The following RHEB variants were observed in gnomAD, a reference collection of about 807,000 sequenced individuals.
RHEB encodes Ras homolog, mTORC1 binding.
A neutral mutation model predicts 28.8 loss-of-function variants in RHEB; 2 were observed. The observed-to-expected ratio is 0.07, with a 90% CI of 0.03 to 0.22. RHEB has a LOEUF of 0.22. Ranked by LOEUF, RHEB falls within the 10% of genes least tolerant of loss-of-function variation. The pLI, the probability that RHEB is intolerant of heterozygous loss-of-function variation, is 1.00. For missense variants in RHEB, 76 were observed against 219.9 expected (o/e 0.35, Z 4.14); for synonymous variants, 69 against 77.3 (o/e 0.89, Z 0.56).
intron 1 of RHEB, chr7:151,502,967 T>C (rs1288737956): frequency 2.6e-6 from 2 of 782,600 alleles, no homozygotes; most frequent in East Asian, 2.4e-5. Context: ...TACTGAGTTA[T>C]CTACTGAAGT....
Position 151,479,904 on chromosome 7 carries a change from A to G in RHEB, c.193-2489T>C, listed in dbSNP as rs538376158. Among the ~76,000 whole-genome samples, 4 of 152,314 alleles carry G rather than the reference A, an allele frequency of 2.6e-5. No homozygotes were observed. In the East Asian group the frequency reaches 7.7e-4, roughly 29 times the overall value. ...CAATAGAAAAAAAATGGCCAAGTAC[A>G]CAGACAGGATAATTCATAGGGGGAA... On this transcript the variant is annotated intron_variant, in intron 3 of 7. Coordinates refer to ENST00000262187, the MANE Select transcript of RHEB (RefSeq NM_005614.4).
At chr7:151,482,740 A>G (rs1378145231) in intron 3 of RHEB, among the ~76,000 whole-genome samples, 1 of 152,188 alleles carries the variant, frequency 6.6e-6, no homozygotes, top group Non-Finnish European at 1.5e-5. Flanking sequence ...AATTATTATT[A>G]GCACCCCCAG....
chr7:151,507,900 A>T (rs1802916602), intron 1 of RHEB, among the ~76,000 whole-genome samples: 1 of 152,196 alleles, frequency 6.6e-6, no homozygotes. Flanking sequence ...AATTTTATTA[A>T]CAGGATTATT....
chr7:151,479,556 G>A (rs538618462), intron 3 of RHEB, among the ~76,000 whole-genome samples: 323 of 151,978 alleles, frequency 2.1e-3, no homozygotes, highest in Non-Finnish European at 3.7e-3. Flanking sequence ...GGTGGCGGGC[G>A]CCTGTAGTCC....
chr7:151,471,937 C>T (rs1802168189), intron 4 of RHEB: 1 of 264,922 alleles, frequency 3.8e-6, no homozygotes, highest in African/African-American at 2.3e-5. Flanking sequence ...ACAACTTGAA[C>T]AGCTTTTCCT....
chr7:151,480,948 T>A (rs1273256737), intron 3 of RHEB, among the ~76,000 whole-genome samples: 1 of 152,158 alleles, frequency 6.6e-6, no homozygotes, highest in Non-Finnish European at 1.5e-5. Flanking sequence ...CCTCCCAAAG[T>A]GCGGGGATTA....
chr7:151,505,965 A>G lies in RHEB; in HGVS notation c.52+13495T>C, dbSNP rs79653016. ...AACCCAGAGTGATGGAGAGCAGATCAGTGCTTCCCGGGGAGCTGGGGTAGG... is the reference window on the plus strand; with the variant it reads ...AACCCAGAGTGATGGAGAGCAGATCGGTGCTTCCCGGGGAGCTGGGGTAGG... On this transcript the variant is annotated intron_variant, in intron 1 of 7. Coordinates refer to ENST00000262187, the MANE Select transcript of RHEB (RefSeq NM_005614.4). Among the ~76,000 whole-genome samples the G allele has an allele frequency of 6.3e-3, 964 of 152,298 alleles. 15 individuals are homozygous for G. The highest frequency in any genetic ancestry group is 0.022 in the African/African-American group (906 of 41,572).
intron 1 of RHEB, among the ~76,000 whole-genome samples, chr7:151,510,989 G>T (rs1054163434): frequency 1.3e-5 from 2 of 152,078 alleles, no homozygotes; most frequent in Admixed American, 1.3e-4. Context: ...TGAGGCGGGA[G>T]GATCCTTGAG....
At chr7:151,514,282 T>A (rs1258674384) in intron 1 of RHEB, among the ~76,000 whole-genome samples, 2 of 151,910 alleles carry the variant, frequency 1.3e-5, no homozygotes, top group African/African-American at 4.8e-5. Flanking sequence ...TAGAAGAAAA[T>A]ATAGTAGTAA....
chr7:151,481,183 T>C (rs188290613), intron 3 of RHEB, among the ~76,000 whole-genome samples: 54 of 152,140 alleles, frequency 3.5e-4, no homozygotes, highest in African/African-American at 1.2e-3. Flanking sequence ...ATTTAGGGTA[T>C]ATGTTCTCAC....
intron 1 of RHEB, among the ~76,000 whole-genome samples, chr7:151,511,833 T>C (rs915316363): frequency 5.3e-5 from 8 of 152,300 alleles, no homozygotes; most frequent in African/African-American, 1.9e-4. Context: ...GTATTTTTAG[T>C]AGAGACAGGG....
intron 1 of RHEB, among the ~76,000 whole-genome samples, chr7:151,518,290 C>A (rs935072270): frequency 1.3e-5 from 2 of 152,124 alleles, no homozygotes; most frequent in African/African-American, 4.8e-5. Flanking sequence ...GAGCACAGAC[C>A]CTGGCACAGG....
intron 2 of RHEB, among the ~76,000 whole-genome samples, chr7:151,487,525 GA>G (rs78565203): frequency 0.14 from 18,679 of 132,496 alleles, 1,722 homozygotes; most frequent in African/African-American, 0.3. Flanking sequence ...GTGTATAAAA[GA>G]AAAAAAAAAA....
At position 151,519,444 on chromosome 7, in the gene RHEB, G is replaced by T. The variant is rs1432842808; in HGVS notation, c.52+16C>A. 1 of 1,431,528 alleles carries T rather than the reference G, an allele frequency of 7.0e-7. No homozygotes were observed. The highest frequency in any genetic ancestry group is 1.4e-5 in the South Asian group (1 of 69,618). 88.7% of individuals were successfully genotyped at this position (1,431,528 alleles called of 1,614,324 possible). On this transcript the variant is annotated intron_variant, in intron 1 of 7. Coordinates refer to ENST00000262187, the MANE Select transcript of RHEB (RefSeq NM_005614.4). ...CCCGGCGGCGCGAGGAGGCCGCGCGGCCACCGGCCACTCACCCACAGACCG... is the reference window on the plus strand; with the variant it reads ...CCCGGCGGCGCGAGGAGGCCGCGCGTCCACCGGCCACTCACCCACAGACCG...
chr7:151,467,288 C>CA, intron 7 of RHEB, 77 bp from the exon 8 acceptor site: 1 of 1,073,078 alleles, frequency 9.3e-7, no homozygotes, highest in Non-Finnish European at 1.4e-6. Context: ...CTGAGGAGGG[C>CA]GTGCCGCCTG....
In RHEB at chr7:151,502,759, G is replaced by A. The variant is rs145100723; in HGVS notation, c.53-11745C>T. Reference sequence around the variant, plus strand: ...TTTGCCCGTTTAAAAATGGAAAAGCGACATAACTATGTTCAGAAAGTAGCA... The same window carrying A: ...TTTGCCCGTTTAAAAATGGAAAAGCAACATAACTATGTTCAGAAAGTAGCA... On this transcript the variant is annotated intron_variant, in intron 1 of 7. Coordinates refer to ENST00000262187, the MANE Select transcript of RHEB (RefSeq NM_005614.4). The A allele has an allele frequency of 1.4e-4, 212 of 1,505,268 alleles. 1 individual carries two copies. The African/African-American group carries it at 2.5e-3, about 18-fold the overall frequency. 93.2% of individuals were successfully genotyped at this position (1,505,268 alleles called of 1,614,324 possible).
chr7:151,477,786 T>G (rs141702556), intron 3 of RHEB, among the ~76,000 whole-genome samples: 161 of 152,330 alleles, frequency 1.1e-3, no homozygotes, highest in Non-Finnish European at 1.9e-3. Context: ...CCTGCTGATT[T>G]ATCCCATAAA....
Position 151,485,999 on chromosome 7 carries a change from TG to T in RHEB, c.125-1196del, listed in dbSNP as rs1258675830. On this transcript the variant is annotated intron_variant, in intron 2 of 7. Coordinates refer to ENST00000262187, the MANE Select transcript of RHEB (RefSeq NM_005614.4). Reference sequence around the variant, plus strand: ...GAAACTGAATCGGAATATTTCAAGCTGGGGGGATACCCAATATAACCTATTT... The same window carrying T: ...GAAACTGAATCGGAATATTTCAAGCTGGGGGATACCCAATATAACCTATTT... Among the ~76,000 whole-genome samples, 13 of 152,330 alleles carry T rather than the reference TG, an allele frequency of 8.5e-5. No individual in the cohort carries two copies. In the South Asian group the frequency reaches 2.5e-3, roughly 29 times the overall value.
Position 151,468,444 on chromosome 7 carries a change from C to A in RHEB, c.463-1233G>T, listed in dbSNP as rs918515345. Among the ~76,000 whole-genome samples the A allele has an allele frequency of 6.6e-6, 1 of 152,242 alleles. No homozygotes were observed. Among genetic ancestry groups the A allele is most frequent in the Non-Finnish European group, 1.5e-5 (1 of 68,046 alleles). ...AAACGCTGCCCAGGGAAAACACACA[C>A]CGCTCACTGCTGACCTCACACCCAT... On this transcript the variant is annotated intron_variant, in intron 7 of 7. Transcript: ENST00000262187. This position sits in a 1 kb window ranked among gnomAD's most constrained non-coding sequence, Gnocchi z 4.3.
Sources: gnomAD v4.1 joint callset for allele counts (sites outside exome capture counted in the v4.1 genomes callset) on GRCh38, gnomAD v4.1.1 for gene constraint, Gnocchi (gnomAD v3.1) non-coding constraint, MANE v1.5 for transcripts, NCBI Gene and HGNC (gene_info 2026-07-23, HGNC 2026-07-21) for gene names.